HACL2: variants seen among roughly 807,000 people sequenced by gnomAD.
The protein encoded by HACL2 is 2-hydroxyacyl-CoA lyase 1 like.
the HACL2 span, chr19:15,115,410 C>T: frequency 6.2e-7 from 1 of 1,613,798 alleles, no homozygotes; most frequent in African/African-American, 1.3e-5. Flanking sequence ...GCCCCCAGAC[C>T]CATGGCTGCC....
At chr19:15,123,198 T>C in the HACL2 span, 1 of 1,613,988 alleles carries the variant, frequency 6.2e-7, no homozygotes, top group South Asian at 1.1e-5. The surrounding 1 kb of genome is among the most constrained non-coding windows in gnomAD (Gnocchi z 5.1). Flanking sequence ...AGTCACCGTG[T>C]TGGTGAGGCC....
the HACL2 span, chr19:15,116,468 C>A: frequency 1.2e-6 from 2 of 1,613,930 alleles, no homozygotes; most frequent in South Asian, 2.2e-5. Flanking sequence ...GTCTGGGGCC[C>A]AGGTCTGGCC....
chr19:15,115,726 C>G, the HACL2 span: 5 of 1,585,930 alleles, frequency 3.2e-6, no homozygotes, highest in African/African-American at 6.7e-5. Flanking sequence ...GCTTGGCCAG[C>G]CAGAGGACAG....
the HACL2 span, chr19:15,124,885 TTGAC>T: frequency 2.5e-6 from 4 of 1,570,882 alleles, no homozygotes; most frequent in Non-Finnish European, 3.5e-6. Context: ...CCCTCCCTCT[TTGAC>T]TGCCCCCAGC....
chr19:15,123,395 T>C, the HACL2 span: 3 of 1,613,942 alleles, frequency 1.9e-6, no homozygotes, highest in Non-Finnish European at 8.5e-7. The surrounding 1 kb of genome is among the most constrained non-coding windows in gnomAD (Gnocchi z 5.1). Context: ...GGCCATAGCA[T>C]CAGCAGCAAA....
At chr19:15,115,199 C>G in the HACL2 span, 15 of 1,605,938 alleles carry the variant, frequency 9.3e-6, no homozygotes, top group Middle Eastern at 1.6e-4. Context: ...TCCAAACCAG[C>G]TGGACACAGT....
the HACL2 span, chr19:15,117,909 G>C: frequency 6.2e-7 from 1 of 1,614,110 alleles, no homozygotes; most frequent in Non-Finnish European, 8.5e-7. Flanking sequence ...GCTTCCAGAA[G>C]ATGTCTGAGT....
At chr19:15,116,433 C>G in the HACL2 span, 1 of 1,613,844 alleles carries the variant, frequency 6.2e-7, no homozygotes, top group African/African-American at 1.3e-5. Context: ...TTCTGCCGGT[C>G]GGCTTCCCGC....
chr19:15,119,892 G>A, the HACL2 span: 11 of 864,170 alleles, frequency 1.3e-5, no homozygotes, highest in Non-Finnish European at 1.9e-5. Flanking sequence ...CAAGATTAAG[G>A]CCCCAGTACT....
chr19:15,116,001 C>A, the HACL2 span: 1 of 1,614,146 alleles, frequency 6.2e-7, no homozygotes, highest in Middle Eastern at 1.6e-4. Flanking sequence ...AGTGCCTCAC[C>A]TCAGCATCTG....
the HACL2 span, chr19:15,125,186 C>T: frequency 7.7e-6 from 8 of 1,038,360 alleles, no homozygotes; most frequent in Admixed American, 1.7e-4. Context: ...AGTTTCTGTG[C>T]GGCCACGCCC....
At chr19:15,123,785 TC>T in the HACL2 span, 6 of 591,006 alleles carry the variant, frequency 1.0e-5, no homozygotes, top group East Asian at 1.7e-4. The surrounding 1 kb of genome is among the most constrained non-coding windows in gnomAD (Gnocchi z 5.1). Flanking sequence ...ATTACATCCC[TC>T]TTACAGCTGA....
the HACL2 span, chr19:15,115,808 A>C: frequency 6.2e-7 from 1 of 1,601,618 alleles, no homozygotes; most frequent in Non-Finnish European, 8.6e-7. Flanking sequence ...GACATCTCCC[A>C]GAACCCCAGG....
chr19:15,120,416 G>A, the HACL2 span, among the ~76,000 whole-genome samples: 4 of 152,216 alleles, frequency 2.6e-5, no homozygotes, highest in East Asian at 1.9e-4. Flanking sequence ...CTTAGGGCAA[G>A]TGACTTCACC....
At chr19:15,116,015 G>C in the HACL2 span, 7 of 1,614,018 alleles carry the variant, frequency 4.3e-6, no homozygotes, top group East Asian at 1.6e-4. Context: ...GCATCTGGCC[G>C]GCACAGCTTG....
the HACL2 span, chr19:15,116,077 A>T: frequency 5.6e-6 from 9 of 1,613,718 alleles, no homozygotes; most frequent in Non-Finnish European, 7.6e-6. Context: ...GGCCCCTAAG[A>T]GGACCAAGAG....
At chr19:15,121,369 C>G in the HACL2 span, among the ~76,000 whole-genome samples, 4 of 152,200 alleles carry the variant, frequency 2.6e-5, no homozygotes, top group African/African-American at 9.7e-5. Flanking sequence ...ACTGATGATG[C>G]CCCGTGCCTG....
chr19:15,122,622 T>G, the HACL2 span: 1 of 1,259,798 alleles, frequency 7.9e-7, no homozygotes, highest in Non-Finnish European at 1.2e-6. This position sits in a 1 kb window ranked among gnomAD's most constrained non-coding sequence, Gnocchi z 4.0. Flanking sequence ...CAAAGGAGGA[T>G]GGGTGTGGGC....
chr19:15,119,345 C>T, the HACL2 span: 3 of 1,605,918 alleles, frequency 1.9e-6, no homozygotes, highest in South Asian at 1.1e-5. Context: ...GCCGGGGCCT[C>T]CCGCCTCCCC....
Sources: allele counts gnomAD v4.1 joint callset (sites outside exome capture counted in the v4.1 genomes callset), GRCh38; gene constraint gnomAD v4.1.1; non-coding constraint Gnocchi (gnomAD v3.1); transcripts MANE v1.5; gene names NCBI Gene and HGNC (gene_info 2026-07-23, HGNC 2026-07-21).